PBX1: variants seen among roughly 807,000 people sequenced by gnomAD.
PBX1 encodes pre-B-cell leukemia transcription factor 1.
Under a neutral mutation model 53.4 loss-of-function variants are expected in PBX1, and 6 were observed. That is an observed-to-expected ratio of 0.11 (90% CI 0.06 to 0.22). PBX1 has a LOEUF of 0.22. Ranked by LOEUF, PBX1 falls within the 10% of genes least tolerant of loss-of-function variation. The pLI is 1.00. For missense variants in PBX1, 251 were observed against 551.4 expected, an observed-to-expected ratio of 0.46 and a Z score of 5.46; for synonymous variants, 204 against 212.3, an observed-to-expected ratio of 0.96 and a Z score of 0.34.
chr1:164,882,485 T>A (rs1293682709), intron 2 of PBX1, among the ~76,000 whole-genome samples: 2 of 152,242 alleles, frequency 1.3e-5, no homozygotes, highest in African/African-American at 4.8e-5. Context: ...TGTGTGTCCC[T>A]CTTTCACTAT....
chr1:164,753,363 C>A (rs1273102522), intron 2 of PBX1, among the ~76,000 whole-genome samples: 1 of 152,172 alleles, frequency 6.6e-6, no homozygotes, highest in African/African-American at 2.4e-5. Flanking sequence ...ACTAATGCAT[C>A]ATTAATTTCT....
intron 2 of PBX1, among the ~76,000 whole-genome samples, chr1:164,741,328 A>G (rs765215355): frequency 5.3e-5 from 8 of 152,210 alleles, no homozygotes; most frequent in Non-Finnish European, 8.8e-5. Flanking sequence ...TATGATTCAC[A>G]TGTATGCCTT....
chr1:164,831,880 G>A (rs2102390732), intron 8 of PBX1, among the ~76,000 whole-genome samples: 1 of 152,226 alleles, frequency 6.6e-6, no homozygotes, highest in South Asian at 2.1e-4. Flanking sequence ...TTATAGCCAA[G>A]CATTGCTAGA....
intron 2 of PBX1, among the ~76,000 whole-genome samples, chr1:164,702,212 A>T (rs1663164060): frequency 6.6e-6 from 1 of 151,974 alleles, no homozygotes; most frequent in Non-Finnish European, 1.5e-5. Flanking sequence ...TGTTCTCCAT[A>T]TATAGATTAA....
At chr1:164,666,452 G>C (rs1660812568) in intron 2 of PBX1, among the ~76,000 whole-genome samples, 1 of 152,198 alleles carries the variant, frequency 6.6e-6, no homozygotes, top group Non-Finnish European at 1.5e-5. Context: ...TAATGTACTA[G>C]GGTGTTCATT....
At chr1:164,841,882 G>A (rs1042605225) in intron 8 of PBX1, among the ~76,000 whole-genome samples, 7 of 152,164 alleles carry the variant, frequency 4.6e-5, no homozygotes, top group African/African-American at 1.7e-4. Context: ...CACCCACGCT[G>A]AAGGCATCTC....
intron 2 of PBX1, among the ~76,000 whole-genome samples, chr1:164,762,652 C>T (rs551870126): frequency 1.7e-4 from 26 of 152,232 alleles, no homozygotes; most frequent in Non-Finnish European, 8.8e-5. Flanking sequence ...AAATGATATT[C>T]GTTGAGCAAT....
At chr1:164,732,526 T>G (rs1489415575) in intron 2 of PBX1, among the ~76,000 whole-genome samples, 2 of 152,118 alleles carry the variant, frequency 1.3e-5, no homozygotes, top group African/African-American at 4.8e-5. Context: ...TTTCTCAATC[T>G]CCCTGTACAT....
chr1:164,562,093 T>C (rs1228781356), intron 1 of PBX1, among the ~76,000 whole-genome samples: 6 of 152,134 alleles, frequency 3.9e-5, no homozygotes. Flanking sequence ...TATTTATTAT[T>C]TACAAAAGTA....
At chr1:164,666,660 C>T (rs1660827898) in intron 2 of PBX1, among the ~76,000 whole-genome samples, 1 of 152,036 alleles carries the variant, frequency 6.6e-6, no homozygotes, top group Admixed American at 6.6e-5. Flanking sequence ...ACCTATGGGC[C>T]TAGGAGAGGT....
intron 2 of PBX1, among the ~76,000 whole-genome samples, chr1:164,571,905 A>G (rs1192876993): frequency 5.4e-5 from 6 of 110,340 alleles, no homozygotes; most frequent in African/African-American, 1.3e-4. Flanking sequence ...ATATATATAT[A>G]TATATATATA....
At chr1:164,715,471 G>C (rs564120071) in intron 2 of PBX1, among the ~76,000 whole-genome samples, 12 of 152,288 alleles carry the variant, frequency 7.9e-5, no homozygotes, top group African/African-American at 2.2e-4. Flanking sequence ...TGTATTCTTA[G>C]CTGCCCAAGA....
chr1:164,849,488 C>T lies in PBX1; in HGVS notation c.*2812C>T. 2.0e-6 allele frequency: 3 copies of T among 1,528,314 alleles called. No homozygotes were observed. Among genetic ancestry groups the T allele is most frequent in the Middle Eastern group, 1.7e-4 (1 of 5,958 alleles). 94.7% of individuals were successfully genotyped at this position (1,528,314 alleles called of 1,614,324 possible). The stretch of plus-strand genomic sequence containing the variant: ...AGCATGCCTCTGGAAACACAGCTTC[C>T]TGGGAATTCACATGAGGCCAGTCCT... On this transcript the variant is annotated 3_prime_UTR_variant, in exon 9 of 9. Transcript: ENST00000420696.
chr1:164,716,263 G>T (rs191886232), intron 2 of PBX1, among the ~76,000 whole-genome samples: 2 of 152,170 alleles, frequency 1.3e-5, no homozygotes, highest in East Asian at 3.9e-4. Context: ...CGTTCCTTCT[G>T]GGATCTCAGA....
intron 2 of PBX1, among the ~76,000 whole-genome samples, chr1:164,630,266 A>G (rs1418818467): frequency 6.6e-6 from 1 of 152,116 alleles, no homozygotes; most frequent in African/African-American, 2.4e-5. Context: ...AAGAACCCTG[A>G]ATATATTTTT....
chr1:164,768,203 C>A (rs1667170716), intron 2 of PBX1, among the ~76,000 whole-genome samples: 1 of 152,184 alleles, frequency 6.6e-6, no homozygotes. Flanking sequence ...GCAAGTACAG[C>A]CGGCTTTATT....
At chr1:164,668,230 C>T (rs1303936938) in intron 2 of PBX1, among the ~76,000 whole-genome samples, 4 of 152,144 alleles carry the variant, frequency 2.6e-5, no homozygotes, top group East Asian at 1.9e-4. Context: ...CACACCCAAG[C>T]GACCGGTCTT....
intron 2 of PBX1, among the ~76,000 whole-genome samples, chr1:164,870,299 T>TTCTTTCTTTCTTTCTC (rs1672339397): frequency 3.5e-5 from 2 of 57,028 alleles, no homozygotes; most frequent in Non-Finnish European, 7.0e-5. Flanking sequence ...CTTTCTTTCT[T>TTCTTTCTTTCTTTCTC]TCTTTCTTTC....
At chr1:164,690,061 T>G (rs1662371698) in intron 2 of PBX1, among the ~76,000 whole-genome samples, 1 of 152,184 alleles carries the variant, frequency 6.6e-6, no homozygotes, top group Non-Finnish European at 1.5e-5. Flanking sequence ...TATTGCAGGG[T>G]GACATATGGT....
Sources: gnomAD v4.1 joint callset for allele counts (sites outside exome capture counted in the v4.1 genomes callset) on GRCh38, gnomAD v4.1.1 for gene constraint, MANE v1.5 for transcripts, NCBI Gene and HGNC (gene_info 2026-07-23, HGNC 2026-07-21) for gene names.